The following FOXN3 variants were observed in gnomAD, a reference collection of about 807,000 sequenced individuals.
FOXN3 encodes the protein forkhead box protein N3.
A neutral mutation model predicts 38.4 loss-of-function variants in FOXN3; 7 were observed. The ratio of observed to expected loss-of-function variants is 0.18; its 90% CI spans 0.10 to 0.34. The LOEUF (loss-of-function observed/expected upper bound fraction) is 0.34. Among genes scored for constraint, FOXN3 ranks in the 10% least tolerant of loss-of-function variants. FOXN3 has a pLI of 1.00. For missense variants in FOXN3, 456 were observed against 613.4 expected, an observed-to-expected ratio of 0.74 and a Z score of 2.71; for synonymous variants, 230 against 242.2, an observed-to-expected ratio of 0.95 and a Z score of 0.47.
At chr14:89,417,601 G>T, upstream of FOXN3, 1 of 405,040 alleles carries the variant, frequency 2.5e-6, no homozygotes. Context: ...CTGCGCTGCT[G>T]GCAACGTGTC....
intron 1 of FOXN3, among the ~76,000 whole-genome samples, chr14:89,491,600 C>T (rs1314721677): frequency 3.9e-5 from 6 of 152,108 alleles, no homozygotes; most frequent in Admixed American, 3.3e-4. Flanking sequence ...AGTGGAAAGC[C>T]CTGGATGCCA....
chr14:89,311,249 G>A (rs911923253), intron 3 of FOXN3, among the ~76,000 whole-genome samples: 1 of 151,714 alleles, frequency 6.6e-6, no homozygotes, highest in Non-Finnish European at 1.5e-5. Flanking sequence ...CAGCACTTTG[G>A]GAGGCCAGGT....
chr14:89,205,592 C>T lies in FOXN3; in HGVS notation c.746-24786G>A, dbSNP rs61985225. Among the ~76,000 whole-genome samples, 497 of 152,332 alleles carry T rather than the reference C, an allele frequency of 3.3e-3. 1 individual carries two copies. The highest frequency in any genetic ancestry group is 5.5e-3 in the Non-Finnish European group (372 of 68,030). On this transcript the variant is annotated intron_variant, in intron 4 of 5. Coordinates refer to ENST00000557258, the MANE Select transcript of FOXN3 (RefSeq NM_005197.4). ...CAGCAGGCCATCGACGGCGGGACGACGCGGAATTTGGCTGGAGGTGGTTGG... is the reference window on the plus strand; with the variant it reads ...CAGCAGGCCATCGACGGCGGGACGATGCGGAATTTGGCTGGAGGTGGTTGG...
At chr14:89,193,375 CAT>C (rs569728466) in intron 4 of FOXN3, among the ~76,000 whole-genome samples, 127 of 152,092 alleles carry the variant, frequency 8.4e-4, no homozygotes, top group African/African-American at 2.9e-3. Context: ...AAAAAGAAGA[CAT>C]AGTGAAAGAA....
intron 3 of FOXN3, among the ~76,000 whole-genome samples, chr14:89,297,909 C>G (rs563446199): frequency 1.3e-5 from 2 of 152,262 alleles, no homozygotes; most frequent in African/African-American, 4.8e-5. Context: ...GGCTTGAGCC[C>G]AGGAGTTCAA....
chr14:89,473,159 G>A (rs189371340), intron 1 of FOXN3, among the ~76,000 whole-genome samples: 1 of 151,888 alleles, frequency 6.6e-6, no homozygotes, highest in East Asian at 1.9e-4. Flanking sequence ...CAAGTAGCTG[G>A]GACTACAGGC....
Position 89,565,983 on chromosome 14 carries a change from G to A in FOXN3, c.-15+53045C>T, listed in dbSNP as rs78881964. Reference sequence around the variant, plus strand: ...GGAAATATAAAACCTGCTGTGTAGCGAAGGGGTAAAAGAAAGAAAAGAAAT... The same window carrying A: ...GGAAATATAAAACCTGCTGTGTAGCAAAGGGGTAAAAGAAAGAAAAGAAAT... On this transcript the variant is annotated intron_variant, in intron 1 of 6. Coordinates refer to the FOXN3 transcript ENST00000345097. Among the ~76,000 whole-genome samples the A allele has an allele frequency of 6.8e-3, 1,030 of 152,280 alleles. 10 individuals are homozygous for A. The highest frequency in any genetic ancestry group is 0.023 in the African/African-American group (953 of 41,552).
intron 1 of FOXN3, among the ~76,000 whole-genome samples, chr14:89,443,015 A>T (rs1892419116): frequency 6.6e-6 from 1 of 152,390 alleles, no homozygotes; most frequent in East Asian, 1.9e-4. Context: ...TAACAATAGC[A>T]GAAGGAAACT....
chr14:89,359,679 C>T lies in FOXN3; in HGVS notation c.544-8871G>A, dbSNP rs375929875. On this transcript the variant is annotated intron_variant, in intron 2 of 5. Coordinates refer to ENST00000557258, the MANE Select transcript of FOXN3 (RefSeq NM_005197.4). ...CGTGCACACTGAGAGATGCTCCGGC[C>T]GGTATGGCAGTCCAGGGCTTCCTAG... is the stretch of plus-strand genomic sequence containing the variant. 1.7e-3 allele frequency among the ~76,000 whole-genome samples: 265 copies of T among 152,302 alleles called. 2 individuals carry two copies. Among genetic ancestry groups the T allele is most frequent in the African/African-American group, 6.0e-3 (248 of 41,562 alleles).
chr14:89,161,298 T>A lies in FOXN3; in HGVS notation c.*1116A>T, dbSNP rs185339454. 6.6e-5 allele frequency: 10 copies of A among 152,198 alleles called. No individual in the cohort carries two copies. The highest frequency in any genetic ancestry group is 5.9e-4 in the Admixed American group (9 of 15,276). The allele number at this position is 152,198 out of a possible 1,614,324, so 9.4% of individuals were successfully genotyped here. On this transcript the variant is annotated 3_prime_UTR_variant, in exon 6 of 6. Transcript: ENST00000557258. ...ATAGGAGTTATTTTATTTTTTGCCATGTTTTACTTTTTTTTTTTGTCCATC... is the reference window on the plus strand; with the variant it reads ...ATAGGAGTTATTTTATTTTTTGCCAAGTTTTACTTTTTTTTTTTGTCCATC...
At chr14:89,397,940 G>A (rs547465517) in intron 2 of FOXN3, among the ~76,000 whole-genome samples, 10 of 152,170 alleles carry the variant, frequency 6.6e-5, no homozygotes, top group South Asian at 6.2e-4. Context: ...CCCCTTATGC[G>A]TCCCTACCTC....
upstream of FOXN3, among the ~76,000 whole-genome samples, chr14:89,421,145 CTTT>C (rs570024684): frequency 6.4e-3 from 696 of 108,184 alleles, 6 homozygotes; most frequent in Non-Finnish European, 7.6e-3. Context: ...TTCTTTCTTT[CTTT>C]TTTTTTTTTT....
At chr14:89,176,067 T>C (rs960953981) in intron 5 of FOXN3, among the ~76,000 whole-genome samples, 4 of 152,182 alleles carry the variant, frequency 2.6e-5, no homozygotes, top group Admixed American at 6.5e-5. Flanking sequence ...AGTAGTTATT[T>C]TGAGGATGAT....
chr14:89,541,406 A>G (rs1894788538), intron 1 of FOXN3, among the ~76,000 whole-genome samples: 1 of 152,066 alleles, frequency 6.6e-6, no homozygotes, highest in Non-Finnish European at 1.5e-5. Flanking sequence ...GCTGGCCAAA[A>G]CCCACCAAAA....
chr14:89,575,582 C>A (rs1248200509), intron 1 of FOXN3, among the ~76,000 whole-genome samples: 1 of 152,142 alleles, frequency 6.6e-6, no homozygotes, highest in East Asian at 1.9e-4. Flanking sequence ...AGCACAAAAA[C>A]CACCAAGTAT....
At chr14:89,425,565 A>G (rs1391422244) in intron 1 of FOXN3, among the ~76,000 whole-genome samples, 1 of 148,200 alleles carries the variant, frequency 6.7e-6, no homozygotes, top group Non-Finnish European at 1.5e-5. Flanking sequence ...GGGGTTGAGC[A>G]TGTTGGCCAC....
chr14:89,211,478 T>C (rs1884091628), intron 4 of FOXN3, among the ~76,000 whole-genome samples: 1 of 152,112 alleles, frequency 6.6e-6, no homozygotes, highest in Non-Finnish European at 1.5e-5. Flanking sequence ...ACAAAAGCAG[T>C]TTCTGGAGGA....
intron 1 of FOXN3, among the ~76,000 whole-genome samples, chr14:89,481,306 A>C (rs564370546): frequency 3.2e-4 from 49 of 152,284 alleles, no homozygotes; most frequent in African/African-American, 1.0e-3. Context: ...TGTCAACATC[A>C]GGGTAGGGAG....
chr14:89,507,063 A>G (rs1438641329), intron 1 of FOXN3, among the ~76,000 whole-genome samples: 1 of 149,040 alleles, frequency 6.7e-6, no homozygotes, highest in Non-Finnish European at 1.5e-5. Context: ...CCTTCCCTCC[A>G]CTATTGTCCT....
Sources: gnomAD v4.1 joint callset for allele counts (sites outside exome capture counted in the v4.1 genomes callset) on GRCh38, gnomAD v4.1.1 for gene constraint, MANE v1.5 for transcripts, NCBI Gene and HGNC (gene_info 2026-07-23, HGNC 2026-07-21) for gene names.